Variants in ABCA5 observed in about 807,000 individuals in gnomAD.
ABCA5 encodes the protein ATP binding cassette subfamily A member 5, also known as cholesterol transporter ABCA5.
ABCA5 carries 163 observed loss-of-function variants against 206.0 expected under a neutral mutation model. The ratio of observed to expected loss-of-function variants is 0.79; its 90% CI spans 0.70 to 0.90. The LOEUF (loss-of-function observed/expected upper bound fraction) is 0.90, where lower values mean the gene tolerates loss of function less well. Among genes scored for constraint, ABCA5 ranks in the 40% least tolerant of loss-of-function variants. The pLI, the probability that ABCA5 is intolerant of heterozygous loss-of-function variation, is 0.00. For synonymous variants in ABCA5, 609 were observed against 613.8 expected (o/e 0.99, Z 0.11); for missense variants, 1,859 against 1,912.9 (o/e 0.97, Z 0.53).
chr17:69,309,154 G>T, intron 4 of ABCA5, 108 bp downstream of exon 4: 1 of 823,178 alleles, frequency 1.2e-6, no homozygotes, highest in Non-Finnish European at 1.8e-6. Context: ...GAACAAGTAA[G>T]AATAGTTGAA....
intron 11 of ABCA5, among the ~76,000 whole-genome samples, chr17:69,293,770 AC>A (rs1463911003): frequency 2.6e-5 from 4 of 151,196 alleles, no homozygotes; most frequent in Non-Finnish European, 5.9e-5. Flanking sequence ...ACCAGGGCCC[AC>A]TATCTCATGA....
chr17:69,291,186 GT>G (rs34164530), intron 12 of ABCA5, 29 bp downstream of exon 12: 17 of 1,374,356 alleles, frequency 1.2e-5, no homozygotes, highest in Admixed American at 8.8e-5. Context: ...ATATAATGAA[GT>G]TTTTTTTTCT....
chr17:69,321,425 C>T (rs779987757), intron 1 of ABCA5, among the ~76,000 whole-genome samples: 6 of 152,116 alleles, frequency 3.9e-5, no homozygotes, highest in African/African-American at 1.4e-4. Context: ...TCTTGGGATA[C>T]AAGAAACCCC....
chr17:69,298,160 T>G (rs2075602926), intron 9 of ABCA5, among the ~76,000 whole-genome samples: 1 of 148,604 alleles, frequency 6.7e-6, no homozygotes, highest in African/African-American at 2.5e-5. Flanking sequence ...CACTCCAGCT[T>G]GGAAGACACA....
intron 33 of ABCA5, 27 bp from the exon 34 acceptor site, chr17:69,253,694 G>A: frequency 6.3e-7 from 1 of 1,599,444 alleles, no homozygotes; most frequent in South Asian, 1.1e-5. Context: ...AGATGGGTGG[G>A]AAATTAACAA....
Position 69,304,708 on chromosome 17 carries a change from A to G in ABCA5, c.891T>C (p.Ile297=). Residue 297 remains isoleucine, a synonymous_variant, in exon 7 of 39, where the codon ATT becomes ATC. Coordinates refer to ENST00000392676, the MANE Select transcript of ABCA5 (RefSeq NM_172232.4). ...AAAGGAAAAAAAGCAGAAATATCACAATGCTGCTACTTTGAGGAAATAACA... is the reference window on the plus strand; with the variant it reads ...AAAGGAAAAAAAGCAGAAATATCACGATGCTGCTACTTTGAGGAAATAACA... ...ASLLFPQSSS[I]VIFLLFFLYG... is the part of the protein sequence containing the mutation. The G allele has an allele frequency of 6.2e-7, 1 of 1,605,498 alleles. No individual in the cohort carries two copies. Among genetic ancestry groups the G allele is most frequent in the Non-Finnish European group, 8.5e-7 (1 of 1,176,068 alleles).
At chr17:69,309,655 C>A (rs1188513160) in intron 3 of ABCA5, among the ~76,000 whole-genome samples, 2 of 152,074 alleles carry the variant, frequency 1.3e-5, no homozygotes, top group African/African-American at 4.8e-5. Context: ...CCAACCTGGG[C>A]AACATGGTGA....
At chr17:69,290,807 T>C (rs948821004) in intron 12 of ABCA5, among the ~76,000 whole-genome samples, 3 of 152,086 alleles carry the variant, frequency 2.0e-5, no homozygotes, top group Admixed American at 1.3e-4. Context: ...CCTTTAAAAT[T>C]CTATTTTAGA....
At chr17:69,307,237 T>A (rs2075727639) in intron 5 of ABCA5, among the ~76,000 whole-genome samples, 1 of 152,024 alleles carries the variant, frequency 6.6e-6, no homozygotes, top group Non-Finnish European at 1.5e-5. Context: ...AATTGCACAA[T>A]TATCATCTTA....
chr17:69,287,820 C>T (rs373476719), intron 14 of ABCA5, 69 bp from the exon 15 acceptor site: 10 of 1,345,952 alleles, frequency 7.4e-6, no homozygotes, highest in Middle Eastern at 3.9e-4. Flanking sequence ...GGCATGTGGA[C>T]ACTAAAAAAC....
chr17:69,286,310 A>C lies in ABCA5; in HGVS notation c.2043T>G (p.Asp681Glu), dbSNP rs1360094166. The C allele has an allele frequency of 6.3e-7, 1 of 1,588,996 alleles. No homozygotes were observed. The highest frequency in any genetic ancestry group is 1.4e-5 in the African/African-American group (1 of 73,106). The change falls in exon 16 of 39, where the codon GAT becomes GAG. Residue 681 changes from aspartate (D) to glutamate (E), a missense_variant and splice_region_variant. By Grantham distance (45) the Asp-to-Glu change is conservative. Transcript: ENST00000392676. ...HFMDEADILA[D>E]RKAVISQGML... The stretch of plus-strand genomic sequence containing the variant: ...TTCCTTGTGATATCACAGCTTTCCT[A>C]TCTGCAGATAAATATTTACATTTCA...
At chr17:69,322,641 G>GCAAAATC (rs2075874238) in intron 1 of ABCA5, among the ~76,000 whole-genome samples, 1 of 141,784 alleles carries the variant, frequency 7.1e-6, no homozygotes, top group Non-Finnish European at 1.5e-5. Flanking sequence ...CACCTCCCCC[G>GCAAAATC]CAAAATCCAT....
At chr17:69,251,049 T>C (rs1242782777) in intron 35 of ABCA5, 1 of 154,104 alleles carries the variant, frequency 6.5e-6, no homozygotes, top group Non-Finnish European at 1.4e-5. Flanking sequence ...TGGTCAGGTG[T>C]GTGTTAGAAG....
Position 69,261,272 on chromosome 17 carries a change from A to C in ABCA5, c.3430-13T>G. 6.3e-7 allele frequency: 1 copy of C among 1,580,656 alleles called. No individual in the cohort carries two copies. Among genetic ancestry groups the C allele is most frequent in the East Asian group, 2.3e-5 (1 of 44,210 alleles). Reference sequence around the variant, plus strand: ...AAGCCAACGCTGCCTAAAGAAAAAAATAAATAAATAAAAGTGACAAAGTGT... The same window carrying C: ...AAGCCAACGCTGCCTAAAGAAAAAACTAAATAAATAAAAGTGACAAAGTGT... On this transcript the variant is annotated splice_polypyrimidine_tract_variant and intron_variant, in intron 25 of 38. Transcript: ENST00000392676.
chr17:69,301,339 A>C, intron 8 of ABCA5, 53 bp from the exon 9 acceptor site: 1 of 1,476,668 alleles, frequency 6.8e-7, no homozygotes, highest in Admixed American at 2.3e-5. Context: ...AAACAAGCAA[A>C]AGCTAACACT....
rs546694706 is a variant in ABCA5 at position 69,282,394 on chromosome 17, T to C, written c.2392+1559A>G. 7.2e-5 allele frequency among the ~76,000 whole-genome samples: 11 copies of C among 152,296 alleles called. No homozygotes were observed. The South Asian group carries it at 2.1e-3, about 29-fold the overall frequency. ...TTTCATCCAATTCCATAGCACCATC[T>C]ACCTGTGAGTAACTTCCAAATCTGT... is the stretch of plus-strand genomic sequence containing the variant. On this transcript the variant is annotated intron_variant, in intron 18 of 38. Coordinates refer to ENST00000392676, the MANE Select transcript of ABCA5 (RefSeq NM_172232.4).
chr17:69,260,559 T>A lies in ABCA5; in HGVS notation c.3565-147A>T, dbSNP rs927368753. On this transcript the variant is annotated intron_variant, in intron 26 of 38. Transcript: ENST00000392676. ...AGTAAGTTATGTTTTTTACTTAAAA[T>A]CTTCCCTGTCCCAAAATATTTCTGA... is the stretch of plus-strand genomic sequence containing the variant. 5 of 585,126 alleles carry A rather than the reference T, an allele frequency of 8.5e-6. No individual in the cohort carries two copies. In the Admixed American group the frequency reaches 1.7e-4, roughly 20 times the overall value. 36.2% of individuals were successfully genotyped at this position (585,126 alleles called of 1,614,324 possible).
intron 28 of ABCA5, among the ~76,000 whole-genome samples, chr17:69,257,248 G>A (rs1476390606): frequency 6.6e-6 from 1 of 151,572 alleles, no homozygotes; most frequent in Admixed American, 6.6e-5. Flanking sequence ...GCACATGCCT[G>A]TAATCCCAGC....
At chr17:69,273,393 C>T (rs2075294139) in intron 20 of ABCA5, among the ~76,000 whole-genome samples, 2 of 150,760 alleles carry the variant, frequency 1.3e-5, no homozygotes, top group African/African-American at 4.9e-5. Context: ...GTAAGAATAA[C>T]GTTATTATTA....
Sources: allele counts gnomAD v4.1 joint callset (sites outside exome capture counted in the v4.1 genomes callset), GRCh38; gene constraint gnomAD v4.1.1; transcripts MANE v1.5; gene names NCBI Gene and HGNC (gene_info 2026-07-23, HGNC 2026-07-21).